The following GHR variants were observed in gnomAD, a reference collection of about 807,000 sequenced individuals.
GHR encodes growth hormone receptor.
In GHR, 35 loss-of-function variants were observed where a neutral mutation model predicts 67.1. The ratio of observed to expected loss-of-function variants is 0.52; its 90% CI spans 0.40 to 0.69. GHR has a LOEUF of 0.69. Ranked by LOEUF, GHR falls within the 30% of genes least tolerant of loss-of-function variation. GHR has a pLI of 0.00. For missense variants in GHR, 792 were observed against 764.6 expected (o/e 1.04, Z -0.42); for synonymous variants, 272 against 269.1 (o/e 1.01, Z -0.10).
At chr5:42,532,220 C>A (rs1029677016) in intron 1 of GHR, among the ~76,000 whole-genome samples, 33 of 152,220 alleles carry the variant, frequency 2.2e-4, no homozygotes, top group African/African-American at 7.9e-4. Context: ...GCCATGAGGG[C>A]AGCTTGAAGG....
chr5:42,491,125 A>G (rs139077978), intron 1 of GHR, among the ~76,000 whole-genome samples: 2 of 152,330 alleles, frequency 1.3e-5, no homozygotes, highest in Non-Finnish European at 2.9e-5. Context: ...ACTTCTACAG[A>G]GTTGGATATG....
At chr5:42,479,269 C>T (rs1377145578) in intron 1 of GHR, among the ~76,000 whole-genome samples, 2 of 152,192 alleles carry the variant, frequency 1.3e-5, no homozygotes, top group Non-Finnish European at 2.9e-5. Context: ...TTTTGATGTG[C>T]TGCTGGATTC....
At chr5:42,692,979 C>A (rs1757488917) in intron 4 of GHR, among the ~76,000 whole-genome samples, 2 of 152,054 alleles carry the variant, frequency 1.3e-5, no homozygotes, top group African/African-American at 4.8e-5. Context: ...TACTATAGTT[C>A]AATGAACCAC....
chr5:42,680,371 T>A (rs1756798233), intron 3 of GHR, among the ~76,000 whole-genome samples: 1 of 152,230 alleles, frequency 6.6e-6, no homozygotes, highest in Non-Finnish European at 1.5e-5. Context: ...TTTGACTGCA[T>A]ATGCAGATTG....
intron 2 of GHR, among the ~76,000 whole-genome samples, chr5:42,585,820 C>T (rs1392637200): frequency 1.3e-5 from 2 of 151,384 alleles, no homozygotes; most frequent in Non-Finnish European, 2.9e-5. Context: ...AATATCTAAG[C>T]TAACATTACT....
chr5:42,524,093 G>T (rs1056748119), intron 1 of GHR, among the ~76,000 whole-genome samples: 6 of 152,160 alleles, frequency 3.9e-5, no homozygotes, highest in African/African-American at 1.2e-4. Flanking sequence ...AGTAGAGTGG[G>T]GTATTGCTGA....
intron 3 of GHR, among the ~76,000 whole-genome samples, chr5:42,649,840 A>T (rs73095792): frequency 0.024 from 3,663 of 152,296 alleles, 143 homozygotes; most frequent in African/African-American, 0.083. Flanking sequence ...TACCCCTAAA[A>T]CAAGGATTTG....
intron 2 of GHR, among the ~76,000 whole-genome samples, chr5:42,617,774 A>G (rs1309572048): frequency 6.6e-6 from 1 of 152,146 alleles, no homozygotes; most frequent in South Asian, 2.1e-4. Context: ...GTGGCCGTGT[A>G]TGGGTTATCA....
intron 2 of GHR, among the ~76,000 whole-genome samples, chr5:42,582,722 G>T (rs1205690943): frequency 6.6e-6 from 1 of 152,184 alleles, no homozygotes; most frequent in Non-Finnish European, 1.5e-5. Context: ...CCCTCTTTGG[G>T]GGCTCTGCGG....
At chr5:42,557,616 G>A (rs1749381266) in intron 1 of GHR, among the ~76,000 whole-genome samples, 1 of 152,058 alleles carries the variant, frequency 6.6e-6, no homozygotes, top group Non-Finnish European at 1.5e-5. Context: ...ACTGAGGTTT[G>A]GTAGAGCTGG....
chr5:42,560,483 C>T (rs1040928669), intron 1 of GHR, among the ~76,000 whole-genome samples: 9 of 152,184 alleles, frequency 5.9e-5, no homozygotes, highest in South Asian at 4.1e-4. Context: ...TAAGCCACCA[C>T]GCCTGGCCAA....
chr5:42,588,701 C>G (rs1437649640), intron 2 of GHR, among the ~76,000 whole-genome samples: 1 of 151,976 alleles, frequency 6.6e-6, no homozygotes, highest in Non-Finnish European at 1.5e-5. Context: ...TCCTCCATAA[C>G]TGTATTACCA....
At chr5:42,439,080 A>G (rs1183669470) in intron 1 of GHR, among the ~76,000 whole-genome samples, 1 of 152,196 alleles carries the variant, frequency 6.6e-6, no homozygotes, top group Non-Finnish European at 1.5e-5. Context: ...ATGCTGCCAA[A>G]TTTAAGTAGT....
intron 6 of GHR, among the ~76,000 whole-genome samples, chr5:42,705,375 C>G (rs1313832059): frequency 6.6e-6 from 1 of 151,924 alleles, no homozygotes; most frequent in African/African-American, 2.4e-5. Context: ...CCATTTTTGT[C>G]TCAAGATATT....
At chr5:42,580,732 G>T (rs900891839) in intron 2 of GHR, among the ~76,000 whole-genome samples, 1 of 152,074 alleles carries the variant, frequency 6.6e-6, no homozygotes, top group Non-Finnish European at 1.5e-5. Flanking sequence ...TTTCTCAATC[G>T]GTTGGCATTT....
chr5:42,647,913 A>G (rs1315779347), intron 3 of GHR: 1 of 193,456 alleles, frequency 5.2e-6, no homozygotes, highest in African/African-American at 2.4e-5. Context: ...TAAGTAAGAC[A>G]GCATTCTATA....
chr5:42,655,659 T>C (rs982835303), intron 3 of GHR, among the ~76,000 whole-genome samples: 2 of 152,086 alleles, frequency 1.3e-5, no homozygotes, highest in Admixed American at 1.3e-4. Flanking sequence ...ATTCTGTTCA[T>C]TGTCAAACAT....
rs144429807 is a variant in GHR, at chr5:42,576,083, A to G, written c.70+10139A>G. On this transcript the variant is annotated intron_variant, in intron 2 of 9. Transcript: ENST00000230882. ...ATAAAATAAAATAAAATAAAATAAAATAAAATAAAATAAAATAAATAAAAT... is the reference window on the plus strand; with the variant it reads ...ATAAAATAAAATAAAATAAAATAAAGTAAAATAAAATAAAATAAATAAAAT... Among the ~76,000 whole-genome samples, 130 of 83,460 alleles carry G rather than the reference A, an allele frequency of 1.6e-3. 5 individuals are homozygous for G. The highest frequency in any genetic ancestry group is 5.4e-3 in the Middle Eastern group (1 of 184). 54.8% of individuals were successfully genotyped at this position (83,460 alleles called of 152,430 possible). A position where few individuals can be genotyped will look rare whatever the true frequency, so the allele number is the denominator to read the frequency against.
chr5:42,549,210 G>T (rs6898060), intron 1 of GHR, among the ~76,000 whole-genome samples: 2,323 of 152,262 alleles, frequency 0.015, 56 homozygotes, highest in African/African-American at 0.054. Flanking sequence ...CATAATGCCT[G>T]ATGTGATGGG....
Sources: allele counts gnomAD v4.1 joint callset (sites outside exome capture counted in the v4.1 genomes callset), GRCh38; gene constraint gnomAD v4.1.1; transcripts MANE v1.5; gene names NCBI Gene and HGNC (gene_info 2026-07-23, HGNC 2026-07-21).